The following PCDH7 variants were observed in gnomAD, a reference collection of about 807,000 sequenced individuals.
PCDH7 encodes protocadherin 7.
Under a neutral mutation model 58.9 loss-of-function variants are expected in PCDH7, and 17 were observed. The observed-to-expected ratio is 0.29, with a 90% confidence interval of 0.20 to 0.43. The LOEUF is 0.43. PCDH7 is among the 20% of genes least tolerant of loss of function. The pLI, the probability that PCDH7 is intolerant of heterozygous loss-of-function variation, is 1.00. For missense variants in PCDH7, 1,274 were observed against 1,441.0 expected, an observed-to-expected ratio of 0.88 and a Z score of 1.88; for synonymous variants, 664 against 616.4, an observed-to-expected ratio of 1.08 and a Z score of -1.14.
At chr4:31,034,637 A>T (rs1300091979) in intron 3 of PCDH7, among the ~76,000 whole-genome samples, 2 of 152,126 alleles carry the variant, frequency 1.3e-5, no homozygotes, top group Non-Finnish European at 2.9e-5. Flanking sequence ...CTACTCCAGA[A>T]TTTTTTTAGG....
chr4:30,965,614 T>A (rs1748926865), intron 3 of PCDH7, among the ~76,000 whole-genome samples: 1 of 152,110 alleles, frequency 6.6e-6, no homozygotes, highest in Non-Finnish European at 1.5e-5. Flanking sequence ...TCATGAGAGA[T>A]GTTATCTCAT....
intron 3 of PCDH7, among the ~76,000 whole-genome samples, chr4:31,016,974 TGAGA>T (rs568182429): frequency 2.0e-5 from 3 of 151,202 alleles, no homozygotes; most frequent in Non-Finnish European, 4.4e-5. Flanking sequence ...TGTGTGTGTG[TGAGA>T]GAGAGAGAGT....
At chr4:30,887,137 TA>T (rs939926807) in intron 1 of PCDH7, among the ~76,000 whole-genome samples, 5 of 151,724 alleles carry the variant, frequency 3.3e-5, no homozygotes, top group African/African-American at 7.2e-5. Context: ...ATAATAATAA[TA>T]AAAAAAAGCT....
At chr4:30,972,780 C>T (rs915703994) in intron 3 of PCDH7, among the ~76,000 whole-genome samples, 1 of 152,306 alleles carries the variant, frequency 6.6e-6, no homozygotes, top group Non-Finnish European at 1.5e-5. Context: ...CCTAGTCCAT[C>T]TCAACTGTAC....
chr4:31,085,785 C>T (rs1712334256), intron 3 of PCDH7, among the ~76,000 whole-genome samples: 1 of 151,466 alleles, frequency 6.6e-6, no homozygotes, highest in Non-Finnish European at 1.5e-5. Flanking sequence ...TGCTAAAATT[C>T]ATTATAAAGT....
chr4:30,778,178 A>T (rs1286549989), intron 1 of PCDH7, among the ~76,000 whole-genome samples: 2 of 152,154 alleles, frequency 1.3e-5, no homozygotes, highest in African/African-American at 4.8e-5. Context: ...TGCTTCCATT[A>T]ACAAAAAGTG....
At chr4:31,104,834 G>A (rs1223582897) in intron 3 of PCDH7, among the ~76,000 whole-genome samples, 4 of 152,162 alleles carry the variant, frequency 2.6e-5, no homozygotes, top group Non-Finnish European at 4.4e-5. Flanking sequence ...TGATCAATTA[G>A]TGCCAGCTCA....
At chr4:30,730,869 G>C in exon 2 of PCDH7, 4 of 1,483,618 alleles carry the variant, frequency 2.7e-6, no homozygotes, top group Non-Finnish European at 3.6e-6. Context: ...GCCTGCCCTT[G>C]GCCGTGGGGT....
chr4:30,850,900 C>T (rs989508141), intron 1 of PCDH7, among the ~76,000 whole-genome samples: 15 of 152,132 alleles, frequency 9.9e-5, no homozygotes, highest in Non-Finnish European at 1.9e-4. Context: ...TCCTCCTTGG[C>T]TCCCTGCATT....
At chr4:30,930,615 G>A (rs1035645517) in intron 2 of PCDH7, among the ~76,000 whole-genome samples, 7 of 152,076 alleles carry the variant, frequency 4.6e-5, no homozygotes, top group African/African-American at 1.7e-4. Flanking sequence ...AAGTTTCAGC[G>A]AATGTGACTG....
chr4:31,051,708 A>T (rs1431199056), intron 3 of PCDH7, among the ~76,000 whole-genome samples: 2 of 152,124 alleles, frequency 1.3e-5, no homozygotes, highest in African/African-American at 4.8e-5. Flanking sequence ...CCTTTACAGC[A>T]TAAAAATAGC....
chr4:30,830,513 A>G (rs1729640490), intron 1 of PCDH7, among the ~76,000 whole-genome samples: 1 of 152,036 alleles, frequency 6.6e-6, no homozygotes, highest in South Asian at 2.1e-4. Context: ...TCCTTTTTTA[A>G]TCATCCTTCA....
intron 2 of PCDH7, among the ~76,000 whole-genome samples, chr4:30,938,076 C>T (rs978141318): frequency 1.7e-4 from 26 of 151,952 alleles, no homozygotes; most frequent in African/African-American, 5.8e-4. Context: ...TAGGACAATT[C>T]TCTTGTAGCA....
chr4:31,113,798 G>A (rs770415151), intron 3 of PCDH7, among the ~76,000 whole-genome samples: 14 of 142,494 alleles, frequency 9.8e-5, no homozygotes, highest in Non-Finnish European at 2.0e-4. Flanking sequence ...ATTTAATTTA[G>A]TTATAGTTTT....
chr4:31,112,832 T>C (rs1716492618), intron 3 of PCDH7, among the ~76,000 whole-genome samples: 1 of 152,192 alleles, frequency 6.6e-6, no homozygotes, highest in Non-Finnish European at 1.5e-5. Flanking sequence ...CAGAGAATTA[T>C]TCCCTCTGCC....
At chr4:31,113,474 T>C (rs1276637851) in intron 3 of PCDH7, among the ~76,000 whole-genome samples, 1 of 152,202 alleles carries the variant, frequency 6.6e-6, no homozygotes, top group Admixed American at 6.5e-5. Context: ...ATGTTGGTAA[T>C]ATTTCCTCCT....
chr4:30,765,517 A>G (rs1177338359), intron 1 of PCDH7, among the ~76,000 whole-genome samples: 1 of 152,146 alleles, frequency 6.6e-6, no homozygotes, highest in Non-Finnish European at 1.5e-5. Context: ...CTGATTTTGC[A>G]CTTTCATGGG....
chr4:31,091,113 T>C (rs1713191401), intron 3 of PCDH7, among the ~76,000 whole-genome samples: 1 of 152,018 alleles, frequency 6.6e-6, no homozygotes, highest in Non-Finnish European at 1.5e-5. Flanking sequence ...GGACATGTCT[T>C]TATTATATCC....
At chr4:30,896,541 C>T (rs1158371642) in intron 1 of PCDH7, among the ~76,000 whole-genome samples, 1 of 151,946 alleles carries the variant, frequency 6.6e-6, no homozygotes, top group Non-Finnish European at 1.5e-5. Context: ...TGATTTATAA[C>T]CTTTTTTCTT....
Sources: allele counts gnomAD v4.1 joint callset (sites outside exome capture counted in the v4.1 genomes callset), GRCh38; gene constraint gnomAD v4.1.1; transcripts MANE v1.5; gene names NCBI Gene and HGNC (gene_info 2026-07-23, HGNC 2026-07-21).